Variants in BICDL1 observed in about 807,000 individuals in gnomAD.
BICDL1 encodes the protein BICD family-like cargo adapter 1.
BICDL1 carries 20 observed loss-of-function variants against 76.8 expected under a neutral mutation model. The ratio of observed to expected loss-of-function variants is 0.26; its 90% CI spans 0.18 to 0.38. The LOEUF (loss-of-function observed/expected upper bound fraction) is 0.38, where lower values mean the gene tolerates loss of function less well. Ranked by LOEUF, BICDL1 falls within the 10% of genes least tolerant of loss-of-function variation. BICDL1 has a pLI of 1.00. For synonymous variants in BICDL1, 383 were observed against 337.1 expected (o/e 1.14, Z -1.49); for missense variants, 700 against 798.6 (o/e 0.88, Z 1.49).
Position 120,080,891 on chromosome 12 carries a change from C to T in BICDL1, c.1457C>T (p.Thr486Ile). Residue 486 changes from threonine (T) to isoleucine (I), a missense_variant, in exon 8 of 10, where the codon ACA becomes ATA. Around this residue, in one of 3 missense-constraint regions of BICDL1, gnomAD observed 455 missense variants for 548.7 expected, o/e 0.83. Transcript: ENST00000548673. Reference protein sequence around the residue: ...EELQRLHSQVTLLSVEMTALK... With the variant: ...EELQRLHSQVILLSVEMTALK... ...CCATATTCATTCTCCTGTTAGGTGA[C>T]ACTGCTGAGTGTGGAGATGACTGCC... 6.2e-7 allele frequency: 1 copy of T among 1,613,176 alleles called. No individual in the cohort carries two copies. The highest frequency in any genetic ancestry group is 8.5e-7 in the Non-Finnish European group (1 of 1,179,524).
intron 8 of BICDL1, among the ~76,000 whole-genome samples, chr12:120,082,497 T>TCCTA (rs1253545013): frequency 6.6e-6 from 1 of 152,028 alleles, no homozygotes; most frequent in Non-Finnish European, 1.5e-5. Context: ...CAAGCGATCC[T>TCCTA]CCTACCTCAG....
At chr12:120,014,801 C>T (rs1952027368) in intron 2 of BICDL1, among the ~76,000 whole-genome samples, 1 of 151,560 alleles carries the variant, frequency 6.6e-6, no homozygotes, top group South Asian at 2.1e-4. Flanking sequence ...CGAGACCACC[C>T]TGGGCAACAT....
chr12:119,993,493 C>T (rs1281580387), intron 1 of BICDL1: 2 of 152,076 alleles, frequency 1.3e-5, no homozygotes, highest in Admixed American at 6.6e-5. Context: ...AGTTATATGT[C>T]TCTTGGGGTT....
chr12:120,030,089 A>T (rs1372503194), intron 2 of BICDL1, among the ~76,000 whole-genome samples: 2 of 152,216 alleles, frequency 1.3e-5, no homozygotes. Flanking sequence ...ATACATTGCA[A>T]AATGATTACC....
At chr12:120,090,197 C>A in intron 9 of BICDL1, 126 bp downstream of exon 9, 1 of 1,124,430 alleles carries the variant, frequency 8.9e-7, no homozygotes, top group Non-Finnish European at 1.2e-6. Context: ...ACATCCCAGT[C>A]TTCACCTGGC....
chr12:119,995,985 CAAA>C (rs1256420336), intron 1 of BICDL1, among the ~76,000 whole-genome samples: 1 of 103,460 alleles, frequency 9.7e-6, no homozygotes. Flanking sequence ...GACTCCGTCT[CAAA>C]AAAAAAAAAA....
rs145380764 is a variant in BICDL1 at position 120,020,383 on chromosome 12, G to A, written c.645+21647G>A. Among the ~76,000 whole-genome samples, 1,222 of 152,208 alleles carry A rather than the reference G, an allele frequency of 8.0e-3. 17 individuals carry two copies. Among genetic ancestry groups the A allele is most frequent in the African/African-American group, 0.027 (1,111 of 41,538 alleles). On this transcript the variant is annotated intron_variant, in intron 2 of 9. Transcript: ENST00000548673. Reference sequence around the variant, plus strand: ...ATTTAAACACATGAATATATAAAACGTCAGAGTCTGTTATATTGTAATAAT... The same window carrying A: ...ATTTAAACACATGAATATATAAAACATCAGAGTCTGTTATATTGTAATAAT...
At chr12:120,092,406 C>T in intron 9 of BICDL1, 1 of 985,450 alleles carries the variant, frequency 1.0e-6, no homozygotes, top group Non-Finnish European at 1.2e-6. Context: ...CTGGCCTCTG[C>T]CGCAGATGGG....
At chr12:120,013,437 A>G (rs949221262) in intron 2 of BICDL1, among the ~76,000 whole-genome samples, 34 of 117,908 alleles carry the variant, frequency 2.9e-4, no homozygotes, top group African/African-American at 1.1e-3. Flanking sequence ...GTCTTTAACC[A>G]GAGTGTGTGT....
In BICDL1 at chr12:120,094,208, A is replaced by AACTC. The variant is rs1387087082; in HGVS notation, c.*1049_*1052dup. On this transcript the variant is annotated 3_prime_UTR_variant, in exon 10 of 10. Transcript: ENST00000548673. The stretch of plus-strand genomic sequence containing the variant: ...GCCCCTCCTCCTCCACCCAGGCCCC[A>AACTC]ACTCAGAGGCTCCGCGGCCCGGCCA... 15 of 455,896 alleles carry AACTC rather than the reference A, an allele frequency of 3.3e-5. No homozygotes were observed. The highest frequency in any genetic ancestry group is 3.1e-4 in the Admixed American group (13 of 42,478). The allele number at this position is 455,896 out of a possible 1,614,324, so 28.2% of individuals were successfully genotyped here.
chr12:120,055,420 A>T (rs1307129150), intron 2 of BICDL1, among the ~76,000 whole-genome samples: 1 of 152,196 alleles, frequency 6.6e-6, no homozygotes, highest in Non-Finnish European at 1.5e-5. Flanking sequence ...CCACAAGCAA[A>T]GTAATGATGA....
At chr12:120,069,302 G>A (rs1006150571) in intron 4 of BICDL1, among the ~76,000 whole-genome samples, 2 of 152,196 alleles carry the variant, frequency 1.3e-5, no homozygotes, top group Non-Finnish European at 2.9e-5. Flanking sequence ...ACAGGTGAAC[G>A]TGCAGGATGA....
intron 7 of BICDL1, among the ~76,000 whole-genome samples, chr12:120,075,979 C>T (rs1297392279): frequency 6.6e-6 from 1 of 152,144 alleles, no homozygotes; most frequent in African/African-American, 2.4e-5. Flanking sequence ...GCCAACATGG[C>T]GAAACCCCAT....
intron 2 of BICDL1, among the ~76,000 whole-genome samples, chr12:120,025,325 C>G (rs1369384672): frequency 3.3e-5 from 5 of 152,246 alleles, no homozygotes; most frequent in Middle Eastern, 6.8e-3. Flanking sequence ...GCTGGGATTA[C>G]AGGCGTGAAC....
chr12:120,048,616 C>G (rs1251255217), intron 2 of BICDL1, among the ~76,000 whole-genome samples: 1 of 152,186 alleles, frequency 6.6e-6, no homozygotes, highest in East Asian at 1.9e-4. Context: ...CCCTTACTCA[C>G]TCTGTGACCA....
At chr12:120,008,576 A>G (rs1951894866) in intron 2 of BICDL1, among the ~76,000 whole-genome samples, 1 of 152,108 alleles carries the variant, frequency 6.6e-6, no homozygotes. Flanking sequence ...GCTTTTTGTA[A>G]ATCTTCCAGG....
intron 3 of BICDL1, 74 bp from the exon 4 acceptor site, chr12:120,064,659 G>A: frequency 6.9e-7 from 1 of 1,447,360 alleles, no homozygotes; most frequent in Non-Finnish European, 9.3e-7. Flanking sequence ...TCATGTTTTG[G>A]GGCTAGTCCC....
At position 120,093,494 on chromosome 12, in the gene BICDL1, G is replaced by C; in HGVS notation, c.*333G>C. On this transcript the variant is annotated 3_prime_UTR_variant, in exon 10 of 10. Coordinates refer to ENST00000548673, the MANE Select transcript of BICDL1 (RefSeq NM_001367886.1). The stretch of plus-strand genomic sequence containing the variant: ...TGCAGCTCACACCCAACAGATCGCA[G>C]CCCACCCCCAGGCACTGCTGCCTCC... 1 of 299,932 alleles carries C rather than the reference G, an allele frequency of 3.3e-6. No individual in the cohort carries two copies. The highest frequency in any genetic ancestry group is 8.8e-5 in the East Asian group (1 of 11,328). The allele number at this position is 299,932 out of a possible 1,614,324, so 18.6% of individuals were successfully genotyped here.
intron 8 of BICDL1, among the ~76,000 whole-genome samples, chr12:120,089,352 G>T (rs1170957404): frequency 6.6e-6 from 1 of 151,344 alleles, no homozygotes; most frequent in Admixed American, 6.6e-5. Flanking sequence ...GCGTGTGTGT[G>T]TGACGGAGTT....
Sources: gnomAD v4.1 joint callset for allele counts (sites outside exome capture counted in the v4.1 genomes callset) on GRCh38, gnomAD v4.1.1 for gene constraint, gnomAD v4.1.1 regional missense constraint, MANE v1.5 for transcripts, NCBI Gene and HGNC (gene_info 2026-07-23, HGNC 2026-07-21) for gene names.